CAPZB: variants seen among roughly 807,000 people sequenced by gnomAD.
CAPZB encodes capping actin protein of muscle Z-line subunit beta, also known as F-actin-capping protein subunit beta.
A neutral mutation model predicts 38.1 loss-of-function variants in CAPZB; 2 were observed. The ratio of observed to expected loss-of-function variants is 0.05; its 90% CI spans 0.02 to 0.17. The LOEUF (loss-of-function observed/expected upper bound fraction) is 0.17. CAPZB is among the 10% of genes least tolerant of loss of function. The pLI is 1.00. For missense variants in CAPZB, 161 were observed against 334.2 expected (o/e 0.48, Z 4.04); for synonymous variants, 107 against 127.4 (o/e 0.84, Z 1.08).
Position 19,356,873 on chromosome 1 carries a change from T to TA in CAPZB, c.472-123dup, listed in dbSNP as rs1426694512. On this transcript the variant is annotated intron_variant, in intron 5 of 8. Transcript: ENST00000264202. This position sits in a 1 kb window ranked among gnomAD's most constrained non-coding sequence, Gnocchi z 4.3. ...ATCACAATATTACCTTTTTTTTTTT[T>TA]AAATTGGAGACAAAGTCTCGCTCTG... The TA allele has an allele frequency of 6.1e-6, 4 of 653,716 alleles. No individual in the cohort carries two copies. Among genetic ancestry groups the TA allele is most frequent in the African/African-American group, 5.5e-5 (3 of 54,892 alleles). 40.5% of individuals were successfully genotyped at this position (653,716 alleles called of 1,614,324 possible). A position where few individuals can be genotyped will look rare whatever the true frequency, so the allele number is the denominator to read the frequency against.
chr1:19,358,020 G>A (rs1334096039), intron 4 of CAPZB, among the ~76,000 whole-genome samples: 3 of 152,194 alleles, frequency 2.0e-5, no homozygotes, highest in Admixed American at 6.5e-5. Context: ...CCTGAGCCTG[G>A]CAGACCAGGG....
chr1:19,387,896 G>A (rs952257230), intron 2 of CAPZB, among the ~76,000 whole-genome samples: 4 of 152,204 alleles, frequency 2.6e-5, no homozygotes, highest in South Asian at 2.1e-4. Context: ...TGCCTGACAC[G>A]TTCAGGTTCC....
intron 1 of CAPZB, among the ~76,000 whole-genome samples, chr1:19,422,806 T>A (rs986910894): frequency 1.3e-5 from 2 of 152,112 alleles, no homozygotes; most frequent in African/African-American, 4.8e-5. Flanking sequence ...AGAAAGTATC[T>A]CAACTAGATA....
intron 4 of CAPZB, among the ~76,000 whole-genome samples, chr1:19,363,144 C>T (rs1170713761): frequency 1.3e-5 from 2 of 151,016 alleles, no homozygotes; most frequent in African/African-American, 4.9e-5. Flanking sequence ...TGTGGTGGTG[C>T]GATCACCGCT....
At chr1:19,478,565 G>A (rs1476737376) in intron 1 of CAPZB, among the ~76,000 whole-genome samples, 1 of 152,188 alleles carries the variant, frequency 6.6e-6, no homozygotes, top group East Asian at 1.9e-4. Context: ...GGTGACCATA[G>A]GAGGAAGCAC....
At chr1:19,382,251 A>G (rs1338188302) in intron 3 of CAPZB, among the ~76,000 whole-genome samples, 1 of 152,008 alleles carries the variant, frequency 6.6e-6, no homozygotes, top group Non-Finnish European at 1.5e-5. Context: ...AGCCAGGGTA[A>G]TTGTAGCTGA....
intron 6 of CAPZB, among the ~76,000 whole-genome samples, chr1:19,352,583 T>C (rs1355675577): frequency 2.0e-5 from 3 of 152,138 alleles, no homozygotes; most frequent in Non-Finnish European, 4.4e-5. Flanking sequence ...AACCCTCCCA[T>C]GGGGGGCCAC....
chr1:19,372,554 A>AG (rs1484113603), intron 4 of CAPZB, among the ~76,000 whole-genome samples: 2 of 152,366 alleles, frequency 1.3e-5, no homozygotes, highest in Non-Finnish European at 2.9e-5. Flanking sequence ...CGCTCACACC[A>AG]GCAAGATGTT....
At chr1:19,372,839 C>T (rs1188288689) in intron 4 of CAPZB, among the ~76,000 whole-genome samples, 1 of 152,038 alleles carries the variant, frequency 6.6e-6, no homozygotes, top group Non-Finnish European at 1.5e-5. Context: ...CAATTACAGG[C>T]AGAAAACCAT....
chr1:19,465,130 G>A (rs1237574727), intron 1 of CAPZB, among the ~76,000 whole-genome samples: 4 of 152,208 alleles, frequency 2.6e-5, no homozygotes, highest in Non-Finnish European at 4.4e-5. Context: ...CATGTGAGAA[G>A]AGAAGGCAGT....
intron 4 of CAPZB, among the ~76,000 whole-genome samples, chr1:19,370,964 T>A (rs2094116729): frequency 6.6e-6 from 1 of 152,128 alleles, no homozygotes; most frequent in Non-Finnish European, 1.5e-5. Flanking sequence ...ATGGGCCCCA[T>A]GAGGGAGGGA....
intron 1 of CAPZB, among the ~76,000 whole-genome samples, chr1:19,457,017 G>A (rs1281997020): frequency 6.6e-6 from 1 of 152,198 alleles, no homozygotes; most frequent in Non-Finnish European, 1.5e-5. Flanking sequence ...GTGTGTGTTG[G>A]AGGGTAGCCT....
intron 1 of CAPZB, among the ~76,000 whole-genome samples, chr1:19,482,089 C>T (rs528974842): frequency 8.2e-4 from 125 of 152,344 alleles, no homozygotes; most frequent in Non-Finnish European, 1.3e-3. Context: ...GGCGAGGCAC[C>T]TGCCCTGCCA....
chr1:19,442,349 G>C (rs988645894), intron 1 of CAPZB, among the ~76,000 whole-genome samples: 1 of 152,022 alleles, frequency 6.6e-6, no homozygotes, highest in Non-Finnish European at 1.5e-5. Flanking sequence ...GGAGTGGGGG[G>C]GCGTGGAGTG....
chr1:19,410,040 T>C (rs9287047), intron 2 of CAPZB, among the ~76,000 whole-genome samples: 34,702 of 152,186 alleles, frequency 0.23, 4,321 homozygotes, highest in East Asian at 0.46. Flanking sequence ...AACAATTATT[T>C]TTCTCCCAAA....
At chr1:19,478,561 C>A (rs2094615382) in intron 1 of CAPZB, among the ~76,000 whole-genome samples, 1 of 152,186 alleles carries the variant, frequency 6.6e-6, no homozygotes, top group Non-Finnish European at 1.5e-5. Flanking sequence ...GTGGGGTGAC[C>A]ATAGGAGGAA....
At position 19,345,691 on chromosome 1, in the gene CAPZB, G is replaced by A. The variant is rs545177671; in HGVS notation, c.589-439C>T. On this transcript the variant is annotated intron_variant, in intron 6 of 8. Coordinates refer to ENST00000264202, the MANE Select transcript of CAPZB (RefSeq NM_004930.5). ...GGGGAAGCTTCTGTGCTGCTGCTGC[G>A]CCCTGGCGCTCCCAAATGGTGGCTT... Among the ~76,000 whole-genome samples the A allele has an allele frequency of 3.9e-5, 6 of 152,370 alleles. No homozygotes were observed. In the South Asian group the frequency reaches 6.2e-4, roughly 16 times the overall value.
At chr1:19,368,846 AC>A (rs564768180) in intron 4 of CAPZB, among the ~76,000 whole-genome samples, 29 of 152,030 alleles carry the variant, frequency 1.9e-4, no homozygotes, top group Non-Finnish European at 3.8e-4. Context: ...TATTCTTGAT[AC>A]TTGCACAAAG....
chr1:19,358,807 G>A (rs1489524484), intron 4 of CAPZB, among the ~76,000 whole-genome samples: 3 of 152,206 alleles, frequency 2.0e-5, no homozygotes, highest in African/African-American at 4.8e-5. Context: ...CCAAAGCCAC[G>A]GTGTGGCAGG....
Sources: allele counts gnomAD v4.1 joint callset (sites outside exome capture counted in the v4.1 genomes callset), GRCh38; gene constraint gnomAD v4.1.1; non-coding constraint Gnocchi (gnomAD v3.1); transcripts MANE v1.5; gene names NCBI Gene and HGNC (gene_info 2026-07-23, HGNC 2026-07-21).